The following SCAPER variants were observed in gnomAD, a reference collection of about 807,000 sequenced individuals.
The protein encoded by SCAPER is S phase cyclin A-associated protein in the endoplasmic reticulum.
SCAPER carries 98 observed loss-of-function variants against 182.2 expected under a neutral mutation model. The observed-to-expected ratio is 0.54, with a 90% CI of 0.46 to 0.64. The LOEUF is 0.64. Among genes scored for constraint, SCAPER ranks in the 30% least tolerant of loss-of-function variants. The probability of loss-of-function intolerance (pLI) is 0.00; values close to 1 mark genes in which losing one functional copy is unlikely to be tolerated. For synonymous variants in SCAPER, 605 were observed against 564.6 expected (o/e 1.07, Z -1.01); for missense variants, 1,432 against 1,690.0 (o/e 0.85, Z 2.68).
At position 76,823,064 on chromosome 15, in the gene SCAPER, T is replaced by A. The variant is rs542265444; in HGVS notation, c.394-18431A>T. On this transcript the variant is annotated intron_variant, in intron 5 of 31. Coordinates refer to ENST00000563290, the MANE Select transcript of SCAPER (RefSeq NM_020843.4). ...GCAGCTATAAAAATGATCATTTGTA[T>A]TATAAATGCATTATTTTTCTATAGC... 2.4e-4 allele frequency among the ~76,000 whole-genome samples: 36 copies of A among 152,380 alleles called. 1 individual carries two copies. The South Asian group carries it at 3.9e-3, about 17-fold the overall frequency.
Position 76,376,183 on chromosome 15 carries a change from A to G in SCAPER, c.3834T>C (p.Thr1278=). The G allele has an allele frequency of 6.2e-7, 1 of 1,613,930 alleles. No homozygotes were observed. The highest frequency in any genetic ancestry group is 8.5e-7 in the Non-Finnish European group (1 of 1,179,842). ...HEVIVCVGYF[T]VNHPDNQVIV... is the part of the protein sequence containing the mutation. ...TTACCTGGTTATCTGGGTGGTTGAC[A>G]GTGAAGTAGCCCACACAGACGATGA... Residue 1278 remains threonine, a synonymous_variant, in exon 29 of 32, where the codon ACT becomes ACC. Coordinates refer to ENST00000563290, the MANE Select transcript of SCAPER (RefSeq NM_020843.4).
At chr15:76,888,805 C>A (rs1196381056) in intron 1 of SCAPER, among the ~76,000 whole-genome samples, 4 of 152,104 alleles carry the variant, frequency 2.6e-5, no homozygotes. Flanking sequence ...GGCCAACATT[C>A]AAATTCAGGA....
At position 76,821,357 on chromosome 15, in the gene SCAPER, G is replaced by A. The variant is rs73445360; in HGVS notation, c.394-16724C>T. 4.3e-3 allele frequency among the ~76,000 whole-genome samples: 656 copies of A among 152,126 alleles called. 6 individuals carry two copies. The highest frequency in any genetic ancestry group is 0.015 in the African/African-American group (621 of 41,504). Reference sequence around the variant, plus strand: ...GCAGGGGCCAAGTAAGGTGGCTCACGCCTATAATCCCAGCACTTTGGGAGG... The same window carrying A: ...GCAGGGGCCAAGTAAGGTGGCTCACACCTATAATCCCAGCACTTTGGGAGG... On this transcript the variant is annotated intron_variant, in intron 5 of 31. Transcript: ENST00000563290.
chr15:76,685,680 G>A (rs1440452031), intron 20 of SCAPER, among the ~76,000 whole-genome samples: 1 of 152,074 alleles, frequency 6.6e-6, no homozygotes, highest in Non-Finnish European at 1.5e-5. Context: ...AACAGTTTTT[G>A]ATAGAACTTG....
At chr15:76,873,319 A>C (rs895956553) in intron 2 of SCAPER, among the ~76,000 whole-genome samples, 1 of 127,590 alleles carries the variant, frequency 7.8e-6, no homozygotes, top group East Asian at 2.4e-4. Context: ...GGAAGGAAGG[A>C]AGGAAGGAAG....
intron 22 of SCAPER, among the ~76,000 whole-genome samples, chr15:76,581,589 C>A (rs534766040): frequency 1.3e-5 from 2 of 152,190 alleles, no homozygotes; most frequent in African/African-American, 4.8e-5. Context: ...GCTGAAAAAG[C>A]ATTTATTTTT....
chr15:76,394,171 T>C (rs937260380), intron 27 of SCAPER, among the ~76,000 whole-genome samples: 1 of 152,184 alleles, frequency 6.6e-6, no homozygotes, highest in Non-Finnish European at 1.5e-5. Context: ...TTCATATTAG[T>C]CTGCATGTTG....
chr15:76,847,869 T>C (rs2070278382), intron 4 of SCAPER, among the ~76,000 whole-genome samples: 1 of 152,142 alleles, frequency 6.6e-6, no homozygotes, highest in Non-Finnish European at 1.5e-5. Context: ...TGCAGTGAGC[T>C]ATGATCATGC....
chr15:76,527,596 GAAGAA>G (rs1444682789), intron 23 of SCAPER, among the ~76,000 whole-genome samples: 1 of 152,172 alleles, frequency 6.6e-6, no homozygotes, highest in Non-Finnish European at 1.5e-5. Context: ...CCTTTTAGGA[GAAGAA>G]AAGACCCAAG....
chr15:76,721,842 T>C (rs972228936), intron 17 of SCAPER, among the ~76,000 whole-genome samples: 2 of 152,152 alleles, frequency 1.3e-5, no homozygotes, highest in African/African-American at 4.8e-5. Flanking sequence ...ACGATGGGGT[T>C]TTCTAGATAT....
intron 21 of SCAPER, among the ~76,000 whole-genome samples, chr15:76,652,371 C>CACACATATATATATATAT (rs764864981): frequency 7.4e-4 from 6 of 8,060 alleles, no homozygotes; most frequent in South Asian, 7.7e-3. Context: ...CACACACACA[C>CACACATATATATATATAT]ATATATATAT....
At chr15:76,844,423 A>C (rs1159054678) in intron 4 of SCAPER, among the ~76,000 whole-genome samples, 1 of 152,086 alleles carries the variant, frequency 6.6e-6, no homozygotes. Flanking sequence ...ATGACATTCA[A>C]CATATATTTT....
At chr15:76,379,158 T>C (rs2042767225) in intron 28 of SCAPER, among the ~76,000 whole-genome samples, 1 of 152,210 alleles carries the variant, frequency 6.6e-6, no homozygotes, top group South Asian at 2.1e-4. Flanking sequence ...TCTGGGCATT[T>C]AGGTCCCCTC....
At chr15:76,388,766 C>T (rs1171427729) in intron 27 of SCAPER, among the ~76,000 whole-genome samples, 6 of 151,972 alleles carry the variant, frequency 3.9e-5, no homozygotes, top group African/African-American at 1.2e-4. Context: ...TGAGACCATC[C>T]TGGCCAACAT....
intron 23 of SCAPER, among the ~76,000 whole-genome samples, chr15:76,570,198 C>G (rs928167727): frequency 3.9e-5 from 6 of 152,124 alleles, no homozygotes; most frequent in African/African-American, 1.4e-4. Context: ...ACTGAGCTGT[C>G]TGTGTAATGA....
intron 28 of SCAPER, among the ~76,000 whole-genome samples, chr15:76,377,423 T>C (rs1233942795): frequency 6.6e-6 from 1 of 152,192 alleles, no homozygotes; most frequent in African/African-American, 2.4e-5. Flanking sequence ...CAGCATGCTG[T>C]GACCCAGTGC....
Position 76,798,726 on chromosome 15 carries a change from C to T in SCAPER, c.611+1522G>A, listed in dbSNP as rs142905051. Among the ~76,000 whole-genome samples the T allele has an allele frequency of 2.1e-3, 325 of 152,210 alleles. 2 individuals carry two copies. Among genetic ancestry groups the T allele is most frequent in the African/African-American group, 7.2e-3 (301 of 41,524 alleles). On this transcript the variant is annotated intron_variant, in intron 7 of 31. Coordinates refer to ENST00000563290, the MANE Select transcript of SCAPER (RefSeq NM_020843.4). The stretch of plus-strand genomic sequence containing the variant: ...GCTGATTTCCCATCAGAAACCATAG[C>T]AGCCAGAAGGCAGTAAGGAAACATA...
chr15:76,879,697 A>AAG (rs1452710772), intron 2 of SCAPER, among the ~76,000 whole-genome samples: 1 of 152,182 alleles, frequency 6.6e-6, no homozygotes, highest in Non-Finnish European at 1.5e-5. Flanking sequence ...AAAGCATTCT[A>AAG]AGAGAGTATT....
At chr15:76,718,480 G>A (rs1235262756) in intron 17 of SCAPER, among the ~76,000 whole-genome samples, 1 of 151,852 alleles carries the variant, frequency 6.6e-6, no homozygotes, top group Non-Finnish European at 1.5e-5. Context: ...CTTGAGGTCA[G>A]GAGTTCGAAA....
Sources: gnomAD v4.1 joint callset for allele counts (sites outside exome capture counted in the v4.1 genomes callset) on GRCh38, gnomAD v4.1.1 for gene constraint, MANE v1.5 for transcripts, NCBI Gene and HGNC (gene_info 2026-07-23, HGNC 2026-07-21) for gene names.